NUMB: variants seen among roughly 807,000 people sequenced by gnomAD.
NUMB encodes the protein protein numb homolog.
In NUMB, 29 loss-of-function variants were observed where a neutral mutation model predicts 59.7. The observed-to-expected ratio is 0.49, with a 90% CI of 0.36 to 0.66. NUMB has a LOEUF of 0.66. Ranked by LOEUF, NUMB falls within the 30% of genes least tolerant of loss-of-function variation. The pLI is 0.00. For missense variants in NUMB, 723 were observed against 822.0 expected, an observed-to-expected ratio of 0.88 and a Z score of 1.47; for synonymous variants, 288 against 288.2, an observed-to-expected ratio of 1.00 and a Z score of 0.01.
chr14:73,349,792 T>A (rs1464099076), intron 4 of NUMB, among the ~76,000 whole-genome samples: 2 of 151,588 alleles, frequency 1.3e-5, no homozygotes, highest in Non-Finnish European at 2.9e-5. Context: ...GGCAGGAGAA[T>A]CGCGTGAACC....
intron 6 of NUMB, among the ~76,000 whole-genome samples, chr14:73,301,491 A>G (rs1393410361): frequency 6.6e-6 from 1 of 152,158 alleles, no homozygotes; most frequent in Admixed American, 6.6e-5. Context: ...AGGCTGCCAT[A>G]CAAGTGGCAC....
chr14:73,388,632 CTTGACAGGTGTATAT>C (rs1461382464), intron 2 of NUMB, among the ~76,000 whole-genome samples: 1 of 152,002 alleles, frequency 6.6e-6, no homozygotes, highest in African/African-American at 2.4e-5. Context: ...AAGGAAGAAA[CTTGACAGGTGTATAT>C]TTAACCAGCC....
chr14:73,394,203 C>T (rs1332573706), intron 2 of NUMB, among the ~76,000 whole-genome samples: 1 of 152,108 alleles, frequency 6.6e-6, no homozygotes, highest in Non-Finnish European at 1.5e-5. Flanking sequence ...GATCAACCCA[C>T]CTCGTGCTGG....
chr14:73,395,037 T>TGTGTGTGTGTGTGTG (rs1896053515), intron 2 of NUMB, among the ~76,000 whole-genome samples: 2 of 119,922 alleles, frequency 1.7e-5, no homozygotes, highest in East Asian at 2.6e-4. Flanking sequence ...ATTCGTGTGT[T>TGTGTGTGTGTGTGTG]TGTGTGTGTG....
intron 8 of NUMB, among the ~76,000 whole-genome samples, chr14:73,288,277 G>T (rs1889144936): frequency 6.6e-6 from 1 of 152,040 alleles, no homozygotes; most frequent in Non-Finnish European, 1.5e-5. Flanking sequence ...ATTAGGCCAG[G>T]TGCGATGGCT....
At chr14:73,331,206 T>C (rs769966222) in intron 4 of NUMB, among the ~76,000 whole-genome samples, 7 of 152,226 alleles carry the variant, frequency 4.6e-5, no homozygotes, top group Non-Finnish European at 1.0e-4. Flanking sequence ...TCATCTTTAC[T>C]GATGCTAAAC....
At chr14:73,442,350 G>C (rs1883126979) in intron 1 of NUMB, among the ~76,000 whole-genome samples, 1 of 151,976 alleles carries the variant, frequency 6.6e-6, no homozygotes, top group South Asian at 2.1e-4. Flanking sequence ...TCTGGACTGG[G>C]CTACAGAGCA....
chr14:73,389,755 T>C (rs1404049155), intron 2 of NUMB, among the ~76,000 whole-genome samples: 1 of 152,220 alleles, frequency 6.6e-6, no homozygotes, highest in African/African-American at 2.4e-5. Context: ...TGAAATTATA[T>C]AATTCAATAG....
At chr14:73,446,752 T>C (rs1272078593) in intron 1 of NUMB, among the ~76,000 whole-genome samples, 2 of 151,352 alleles carry the variant, frequency 1.3e-5, no homozygotes, top group Non-Finnish European at 2.9e-5. Context: ...CAAGACCTCA[T>C]ATCTTAAAAA....
chr14:73,371,256 C>T (rs1368892013), intron 2 of NUMB, among the ~76,000 whole-genome samples: 3 of 152,114 alleles, frequency 2.0e-5, no homozygotes, highest in Non-Finnish European at 4.4e-5. Context: ...TATATAACAG[C>T]CGGGCTCAGT....
At chr14:73,348,181 T>C (rs1291540248) in intron 4 of NUMB, among the ~76,000 whole-genome samples, 1 of 152,224 alleles carries the variant, frequency 6.6e-6, no homozygotes, top group African/African-American at 2.4e-5. Flanking sequence ...GAAATGCATC[T>C]ACCTCGAGAA....
intron 6 of NUMB, among the ~76,000 whole-genome samples, chr14:73,315,622 G>A (rs1051810590): frequency 2.0e-5 from 3 of 152,028 alleles, no homozygotes; most frequent in Non-Finnish European, 2.9e-5. Flanking sequence ...CTAAAGGTAA[G>A]TTTATCCATT....
intron 1 of NUMB, among the ~76,000 whole-genome samples, chr14:73,435,744 C>G (rs1476844568): frequency 6.6e-6 from 1 of 151,834 alleles, no homozygotes; most frequent in African/African-American, 2.4e-5. Flanking sequence ...CAGTGGCTCA[C>G]GCCTGTAATC....
At chr14:73,278,912 G>C (rs767749935) in intron 12 of NUMB, among the ~76,000 whole-genome samples, 54 of 151,970 alleles carry the variant, frequency 3.6e-4, no homozygotes, top group Non-Finnish European at 6.6e-4. Context: ...ATTTTTAGTA[G>C]AGATGGTTTC....
intron 4 of NUMB, among the ~76,000 whole-genome samples, chr14:73,329,465 T>G (rs1415968556): frequency 6.6e-6 from 1 of 152,190 alleles, no homozygotes; most frequent in Non-Finnish European, 1.5e-5. Context: ...TTCTCAGTCC[T>G]CTTCTCTCTC....
At chr14:73,411,318 C>G (rs1233981049) in intron 1 of NUMB, among the ~76,000 whole-genome samples, 1 of 150,218 alleles carries the variant, frequency 6.7e-6, no homozygotes, top group South Asian at 2.1e-4. Context: ...GTTTTGTAGT[C>G]GTAGGATGAG....
intron 4 of NUMB, among the ~76,000 whole-genome samples, chr14:73,340,593 A>G (rs1892582575): frequency 6.6e-6 from 1 of 152,180 alleles, no homozygotes; most frequent in African/African-American, 2.4e-5. Flanking sequence ...AGTACTTAGA[A>G]CATTGCCTGG....
Position 73,431,774 on chromosome 14 carries a change from A to C in NUMB, c.-232-21706T>G, listed in dbSNP as rs564249594. Among the ~76,000 whole-genome samples, 4 of 152,166 alleles carry C rather than the reference A, an allele frequency of 2.6e-5. No homozygotes were observed. The East Asian group carries it at 7.8e-4, about 30-fold the overall frequency. ...AAAAAAAGAAAAGAAAGAAAATTTCATCAATTTCATGTGGAATTTATCATG... is the reference window on the plus strand; with the variant it reads ...AAAAAAAGAAAAGAAAGAAAATTTCCTCAATTTCATGTGGAATTTATCATG... On this transcript the variant is annotated intron_variant, in intron 1 of 12. Transcript: ENST00000555238.
At chr14:73,330,639 T>G (rs1257127320) in intron 4 of NUMB, among the ~76,000 whole-genome samples, 6 of 152,220 alleles carry the variant, frequency 3.9e-5, no homozygotes, top group Non-Finnish European at 7.3e-5. Flanking sequence ...ACCTACAAAG[T>G]ACTTAGAACC....
Sources: gnomAD v4.1 joint callset for allele counts (sites outside exome capture counted in the v4.1 genomes callset) on GRCh38, gnomAD v4.1.1 for gene constraint, MANE v1.5 for transcripts, NCBI Gene and HGNC (gene_info 2026-07-23, HGNC 2026-07-21) for gene names.